The following ARHGEF10 variants were observed in gnomAD, a reference collection of about 807,000 sequenced individuals.
ARHGEF10 encodes the protein Rho guanine nucleotide exchange factor (GEF) 10.
In ARHGEF10, 140 loss-of-function variants were observed where a neutral mutation model predicts 147.4. That is an observed-to-expected ratio of 0.95 (90% confidence interval 0.83 to 1.09). ARHGEF10 has a LOEUF of 1.09. ARHGEF10 is among the 50% of genes least tolerant of loss of function. The pLI is 0.00. For missense variants in ARHGEF10, 2,222 were observed against 1,752.7 expected (o/e 1.27, Z -4.78); for synonymous variants, 902 against 695.8 (o/e 1.30, Z -4.67).
rs117848852 is a variant in ARHGEF10, at chr8:1,910,902, C to A, written c.2143+1432C>A. 5.9e-5 allele frequency among the ~76,000 whole-genome samples: 9 copies of A among 152,250 alleles called. No homozygotes were observed. The East Asian group carries it at 1.7e-3, about 29-fold the overall frequency. Reference sequence around the variant, plus strand: ...TCCATAAAATAGTATGTATTCCATGCAATGTTATATTTTCTTATTCATCTT... The same window carrying A: ...TCCATAAAATAGTATGTATTCCATGAAATGTTATATTTTCTTATTCATCTT... On this transcript the variant is annotated intron_variant, in intron 18 of 28. Transcript: ENST00000349830.
chr8:1,954,826 C>T (rs917648673), intron 28 of ARHGEF10, among the ~76,000 whole-genome samples: 2 of 152,272 alleles, frequency 1.3e-5, no homozygotes, highest in East Asian at 1.9e-4. Flanking sequence ...CAAGCAGCCT[C>T]TGTTGCTTTT....
Position 1,880,107 on chromosome 8 carries a change from G to A in ARHGEF10, c.903G>A (p.Met301Ile), listed in dbSNP as rs1228710267. The A allele has an allele frequency of 6.2e-7, 1 of 1,614,184 alleles. No individual in the cohort carries two copies. Among genetic ancestry groups the A allele is most frequent in the East Asian group, 2.2e-5 (1 of 44,886 alleles). ...EHYEKKMRDL[M>I]ASTVGVVEIQ... ...ATGAGAAAAAGATGAGAGATTTGAT[G>A]GCAAGCACGGTGGGCGTGGTGGAGA... is the stretch of plus-strand genomic sequence containing the variant. Residue 301 changes from methionine (M) to isoleucine (I), a missense_variant, in exon 9 of 29, where the codon ATG (methionine) becomes ATA (isoleucine). Coordinates refer to ENST00000349830, the MANE Select transcript of ARHGEF10 (RefSeq NM_014629.4).
rs1812932182 is a variant in ARHGEF10, at chr8:1,929,383, T to C, written c.3019T>C (p.Ser1007Pro). 1 of 1,613,564 alleles carries C rather than the reference T, an allele frequency of 6.2e-7. No homozygotes were observed. Among genetic ancestry groups the C allele is most frequent in the Non-Finnish European group, 8.5e-7 (1 of 1,180,028 alleles). The stretch of plus-strand genomic sequence containing the variant: ...CACAGTCATGAGCCTGGCTTGCACG[T>C]CTCAGAGCCTGTACGCTGGCCTGGT... ...KSTVMSLACT[S>P]QSLYAGLVNG... The change falls in exon 25 of 29, where the codon TCT (serine) becomes CCT (proline). Residue 1007 changes from serine (S) to proline (P), a missense_variant. Physicochemically the swap from Ser to Pro is moderately conservative, Grantham distance 74 (BLOSUM62 -1). Coordinates refer to ENST00000349830, the MANE Select transcript of ARHGEF10 (RefSeq NM_014629.4).
intron 2 of ARHGEF10, among the ~76,000 whole-genome samples, chr8:1,853,612 G>T (rs1360522435): frequency 6.6e-6 from 1 of 152,248 alleles, no homozygotes; most frequent in Non-Finnish European, 1.5e-5. Context: ...AACCGACCCA[G>T]CCCAGCTTGC....
At position 1,937,842 on chromosome 8, in the gene ARHGEF10, A is replaced by G. The variant is rs1213165961; in HGVS notation, c.3222+3900A>G. Among the ~76,000 whole-genome samples, 1 of 152,114 alleles carries G rather than the reference A, an allele frequency of 6.6e-6. No homozygotes were observed. The highest frequency in any genetic ancestry group is 6.5e-5 in the Admixed American group (1 of 15,268). ...GGGCTTGGGTTGAGCGGGTTGGGAG[A>G]TGCTAGCCATATTTGGAAGAAAAAG... On this transcript the variant is annotated intron_variant, in intron 26 of 28. Transcript: ENST00000349830. The surrounding 1 kb of genome is among the most constrained non-coding windows in gnomAD (Gnocchi z 4.9).
chr8:1,912,541 G>T (rs6994401), intron 18 of ARHGEF10, among the ~76,000 whole-genome samples: 1 of 150,370 alleles, frequency 6.7e-6, no homozygotes, highest in South Asian at 2.1e-4. Flanking sequence ...TGGGTTTGCT[G>T]TCCGATGTTA....
intron 4 of ARHGEF10, among the ~76,000 whole-genome samples, chr8:1,862,652 G>A (rs905984049): frequency 6.6e-6 from 1 of 152,328 alleles, no homozygotes; most frequent in South Asian, 2.1e-4. Context: ...CCCCCGTGGG[G>A]GAGACATTTC....
Position 1,905,551 on chromosome 8 carries a change from G to A in ARHGEF10, c.1822-20G>A, listed in dbSNP as rs774543562. On this transcript the variant is annotated intron_variant, in intron 16 of 28. Transcript: ENST00000349830. ...GGGTAAACTGAACTGTGGTCCCTGG[G>A]CTGTGTTTTGAATGTCCAGCTTCTC... 6.2e-7 allele frequency: 1 copy of A among 1,613,984 alleles called. No individual in the cohort carries two copies. The highest frequency in any genetic ancestry group is 8.5e-7 in the Non-Finnish European group (1 of 1,180,028).
intron 18 of ARHGEF10, among the ~76,000 whole-genome samples, 178 bp downstream of exon 18, chr8:1,909,648 G>A (rs537879291): frequency 3.3e-5 from 5 of 152,318 alleles, no homozygotes; most frequent in South Asian, 2.1e-4. Flanking sequence ...TGGCCAAGTC[G>A]GCTGCTCATC....
intron 2 of ARHGEF10, among the ~76,000 whole-genome samples, chr8:1,844,884 TAGTG>T (rs1451167161): frequency 6.6e-6 from 1 of 152,044 alleles, no homozygotes; most frequent in Non-Finnish European, 1.5e-5. Flanking sequence ...CTGGGCAACG[TAGTG>T]AGACCCCATA....
chr8:1,903,387 A>G lies in ARHGEF10; in HGVS notation c.1757A>G (p.Asp586Gly). 1 of 1,614,244 alleles carries G rather than the reference A, an allele frequency of 6.2e-7. No homozygotes were observed. ...LAEKLNERKR[D>G]ADQRCEVKQI... is the part of the protein sequence containing the mutation. ...GAGAAGTTAAATGAAAGAAAGAGAG[A>G]TGCTGATCAACGCTGTGAAGTGAAG... Residue 586 changes from aspartate (D) to glycine (G), a missense_variant, in exon 16 of 29, where the codon GAT becomes GGT. Coordinates refer to ENST00000349830, the MANE Select transcript of ARHGEF10 (RefSeq NM_014629.4).
chr8:1,836,875 G>T (rs980588678), intron 1 of ARHGEF10, among the ~76,000 whole-genome samples: 3 of 152,146 alleles, frequency 2.0e-5, no homozygotes, highest in African/African-American at 7.2e-5. Flanking sequence ...GAGATCTGAT[G>T]GGTTTATCAG....
At chr8:1,928,292 T>C (rs1434696163) in intron 23 of ARHGEF10, 135 bp from the exon 24 acceptor site, 1 of 801,676 alleles carries the variant, frequency 1.2e-6, no homozygotes, top group African/African-American at 1.7e-5. Context: ...TTAAGAATTT[T>C]TTTTTATTTT....
intron 2 of ARHGEF10, among the ~76,000 whole-genome samples, chr8:1,848,877 C>A (rs932550401): frequency 6.6e-6 from 1 of 152,022 alleles, no homozygotes; most frequent in Non-Finnish European, 1.5e-5. Flanking sequence ...TTTTCCCTGA[C>A]AAACCTAGGC....
At chr8:1,941,448 A>T (rs766217925) in intron 26 of ARHGEF10, among the ~76,000 whole-genome samples, 3 of 152,252 alleles carry the variant, frequency 2.0e-5, no homozygotes, top group Non-Finnish European at 4.4e-5. Context: ...TCATTCAGAG[A>T]AATTAAAGAA....
At chr8:1,826,334 G>C (rs1392097821) in intron 1 of ARHGEF10, among the ~76,000 whole-genome samples, 1 of 152,110 alleles carries the variant, frequency 6.6e-6, no homozygotes, top group Non-Finnish European at 1.5e-5. Context: ...GTGCATACGT[G>C]TGCGTGTGTC....
At chr8:1,876,473 C>A in intron 7 of ARHGEF10, 98 bp from the exon 8 acceptor site, 1 of 1,267,220 alleles carries the variant, frequency 7.9e-7, no homozygotes, top group Non-Finnish European at 1.2e-6. Context: ...TTCCTTCCAC[C>A]CCCAGCTCTA....
rs1812596276 is a variant in ARHGEF10 at position 1,925,272 on chromosome 8, T to C, written c.2489-11T>C. ...GCATTCTTGCTCATTTCTCTCTGAA[T>C]ATAATTGCAGAAGAGGAGAACCACA... On this transcript the variant is annotated splice_polypyrimidine_tract_variant and intron_variant, in intron 21 of 28. Coordinates refer to ENST00000349830, the MANE Select transcript of ARHGEF10 (RefSeq NM_014629.4). 2.5e-6 allele frequency: 4 copies of C among 1,614,024 alleles called. No individual in the cohort carries two copies. In the South Asian group the frequency reaches 4.4e-5, roughly 18 times the overall value.
intron 18 of ARHGEF10, among the ~76,000 whole-genome samples, chr8:1,910,887 A>C (rs1376373895): frequency 6.6e-6 from 1 of 152,230 alleles, no homozygotes; most frequent in Non-Finnish European, 1.5e-5. Flanking sequence ...TCCATAAAAT[A>C]GTATGTATTC....
Sources: allele counts gnomAD v4.1 joint callset (sites outside exome capture counted in the v4.1 genomes callset), GRCh38; gene constraint gnomAD v4.1.1; non-coding constraint Gnocchi (gnomAD v3.1); transcripts MANE v1.5; gene names NCBI Gene and HGNC (gene_info 2026-07-23, HGNC 2026-07-21).